ZFHX3: variants seen among roughly 807,000 people sequenced by gnomAD.
The protein encoded by ZFHX3 is zinc finger homeobox protein 3.
In ZFHX3, 42 loss-of-function variants were observed where a neutral mutation model predicts 279.1. That is an observed-to-expected ratio of 0.15 (90% CI 0.12 to 0.19). ZFHX3 has a LOEUF of 0.19. ZFHX3 is among the 10% of genes least tolerant of loss of function. ZFHX3 has a pLI of 1.00. For synonymous variants in ZFHX3, 2,293 were observed against 1,957.8 expected, an observed-to-expected ratio of 1.17 and a Z score of -4.52; for missense variants, 4,981 against 4,754.0, an observed-to-expected ratio of 1.05 and a Z score of -1.40.
chr16:72,981,919 G>A (rs570744591), intron 1 of ZFHX3, among the ~76,000 whole-genome samples: 1 of 133,442 alleles, frequency 7.5e-6, no homozygotes, highest in East Asian at 2.2e-4. Flanking sequence ...GTCTCGCTCT[G>A]TCATCCAGGC....
At position 72,795,221 on chromosome 16, in the gene ZFHX3, C is replaced by T. The variant is rs150337976; in HGVS notation, c.7461G>A (p.Ala2487=). 2.7e-5 allele frequency: 44 copies of T among 1,606,288 alleles called. No homozygotes were observed. In the Admixed American group the frequency reaches 3.4e-4, roughly 12 times the overall value. Residue 2487 remains alanine, a synonymous_variant, in exon 9 of 10, where the codon GCG becomes GCA. Transcript: ENST00000268489. ...LPSLPQPPPQ[A]PPPQCPLPQS... ...GGGGTAAGGGGCACTGTGGAGGGGG[C>T]GCTTGTGGAGGAGGCTGTGGCAACG...
At chr16:73,487,322 T>C (rs2018992987) in intron 2 of ZFHX3, 3 of 325,920 alleles carry the variant, frequency 9.2e-6, no homozygotes, top group Non-Finnish European at 1.8e-5. Flanking sequence ...GTTACTCAAA[T>C]GTCTTCTGAA....
Position 72,950,571 on chromosome 16 carries a change from C to T in ZFHX3, c.3114G>A (p.Val1038=). Residue 1038 remains valine, a synonymous_variant, in exon 3 of 10, where the codon GTG becomes GTA. Transcript: ENST00000268489. Reference sequence around the variant, plus strand: ...AGTCACAGGCGTTGCACTTGAGGTGCACGGGGTTGCCGATGGCCACACACT... The same window carrying T: ...AGTCACAGGCGTTGCACTTGAGGTGTACGGGGTTGCCGATGGCCACACACT... ...RLKCVAIGNP[V]HLKCNACDYY... 1.9e-6 allele frequency: 3 copies of T among 1,614,232 alleles called. No homozygotes were observed. The highest frequency in any genetic ancestry group is 2.5e-6 in the Non-Finnish European group (3 of 1,180,050).
At chr16:73,358,820 C>G (rs760065618) in intron 3 of ZFHX3, among the ~76,000 whole-genome samples, 1 of 152,226 alleles carries the variant, frequency 6.6e-6, no homozygotes, top group Non-Finnish European at 1.5e-5. Flanking sequence ...AATTCTGGCT[C>G]TATTCCTTGC....
chr16:73,428,746 C>T (rs1233125601), intron 3 of ZFHX3, among the ~76,000 whole-genome samples: 1 of 152,182 alleles, frequency 6.6e-6, no homozygotes, highest in Non-Finnish European at 1.5e-5. Context: ...GCCACGCTCT[C>T]CATTGAAGCT....
At chr16:72,989,358 A>G (rs1962980195) in intron 1 of ZFHX3, among the ~76,000 whole-genome samples, 1 of 151,794 alleles carries the variant, frequency 6.6e-6, no homozygotes, top group Non-Finnish European at 1.5e-5. Context: ...GCTGCATGAC[A>G]GTAATCCAAG....
intron 1 of ZFHX3, among the ~76,000 whole-genome samples, chr16:73,039,503 T>A (rs1295048716): frequency 6.6e-6 from 1 of 152,184 alleles, no homozygotes; most frequent in Non-Finnish European, 1.5e-5. Context: ...GGGCAATTCC[T>A]GCAGACATTT....
chr16:73,177,757 T>C (rs1967696589), intron 5 of ZFHX3, among the ~76,000 whole-genome samples: 1 of 152,208 alleles, frequency 6.6e-6, no homozygotes, highest in African/African-American at 2.4e-5. Context: ...CTACTACATA[T>C]AAAGAGTAGG....
At chr16:72,918,672 A>T (rs1424480080) in intron 3 of ZFHX3, among the ~76,000 whole-genome samples, 1 of 150,708 alleles carries the variant, frequency 6.6e-6, no homozygotes, top group Non-Finnish European at 1.5e-5. Context: ...GAGAATCTCT[A>T]TGACCTTTGT....
intron 1 of ZFHX3, among the ~76,000 whole-genome samples, chr16:72,978,923 C>T (rs1032347165): frequency 6.6e-6 from 1 of 152,220 alleles, no homozygotes; most frequent in Non-Finnish European, 1.5e-5. Context: ...GACTCTGGTC[C>T]TCACCTAACC....
chr16:73,440,035 G>A (rs1300395445), intron 3 of ZFHX3, among the ~76,000 whole-genome samples: 2 of 151,928 alleles, frequency 1.3e-5, no homozygotes, highest in Non-Finnish European at 2.9e-5. Context: ...GCAGTCAAGT[G>A]CGTTGTTCAC....
chr16:73,647,528 AAGTT>A (rs2052631347), intron 2 of ZFHX3, among the ~76,000 whole-genome samples: 1 of 152,160 alleles, frequency 6.6e-6, no homozygotes. Flanking sequence ...CATGATTGTT[AAGTT>A]TCCTGAGGCC....
intron 1 of ZFHX3, among the ~76,000 whole-genome samples, chr16:73,788,698 G>A (rs551869619): frequency 6.6e-6 from 1 of 150,586 alleles, no homozygotes; most frequent in African/African-American, 2.4e-5. Context: ...AAATGGGAAT[G>A]TAGGGGAATA....
intron 1 of ZFHX3, among the ~76,000 whole-genome samples, chr16:73,037,943 C>T (rs938984305): frequency 1.1e-4 from 17 of 152,174 alleles, no homozygotes; most frequent in African/African-American, 1.9e-4. Flanking sequence ...CCCAGGCATA[C>T]GGTTATCTGG....
chr16:73,099,205 G>A (rs932007147), intron 7 of ZFHX3: 2 of 152,224 alleles, frequency 1.3e-5, no homozygotes, highest in African/African-American at 4.8e-5. Context: ...CAAATATTCT[G>A]AGAGCTACAC....
At chr16:72,913,564 T>C (rs1393976683) in intron 3 of ZFHX3, among the ~76,000 whole-genome samples, 3 of 152,322 alleles carry the variant, frequency 2.0e-5, no homozygotes, top group South Asian at 4.1e-4. Context: ...CTGGTGATGT[T>C]GACCTTGATC....
intron 3 of ZFHX3, among the ~76,000 whole-genome samples, chr16:72,934,904 C>A (rs149669397): frequency 1.3e-5 from 2 of 152,114 alleles, no homozygotes; most frequent in African/African-American, 4.8e-5. Context: ...CGCTGGATTA[C>A]GAAATCAGGA....
rs567256714 is a variant in ZFHX3, at chr16:73,084,563, C to A, written c.-533+8672G>T. 4.2e-5 allele frequency among the ~76,000 whole-genome samples: 6 copies of A among 143,316 alleles called. No individual in the cohort carries two copies. In the East Asian group the frequency reaches 1.2e-3, roughly 29 times the overall value. The allele number at this position is 143,316 out of a possible 152,430, so 94.0% of individuals were successfully genotyped here. A position where few individuals can be genotyped will look rare whatever the true frequency, so the allele number is the denominator to read the frequency against. ...TGAGATGGAGTCTTGCTCTGTCACC[C>A]AGGCTGGAGTGCAGTGGCACGATCT... On this transcript the variant is annotated intron_variant, in intron 8 of 17. Coordinates refer to the ZFHX3 transcript ENST00000641206.
intron 2 of ZFHX3, among the ~76,000 whole-genome samples, chr16:73,505,700 A>G (rs1411370053): frequency 1.3e-5 from 2 of 152,218 alleles, no homozygotes; most frequent in African/African-American, 4.8e-5. Context: ...TCCAGCTCTC[A>G]GTCTCAGGAT....
Sources: gnomAD v4.1 joint callset for allele counts (sites outside exome capture counted in the v4.1 genomes callset) on GRCh38, gnomAD v4.1.1 for gene constraint, MANE v1.5 for transcripts, NCBI Gene and HGNC (gene_info 2026-07-23, HGNC 2026-07-21) for gene names.